The following PLEKHA5 variants were observed in gnomAD, a reference collection of about 807,000 sequenced individuals.
PLEKHA5 encodes the protein pleckstrin homology domain containing A5, also known as pleckstrin homology domain-containing family A member 5.
PLEKHA5 carries 55 observed loss-of-function variants against 181.9 expected under a neutral mutation model. That is an observed-to-expected ratio of 0.30 (90% CI 0.24 to 0.38). The LOEUF (loss-of-function observed/expected upper bound fraction) is 0.38, where lower values mean the gene tolerates loss of function less well. Among genes scored for constraint, PLEKHA5 ranks in the 10% least tolerant of loss-of-function variants. The pLI, the probability that PLEKHA5 is intolerant of heterozygous loss-of-function variation, is 1.00. For missense variants in PLEKHA5, 1,432 were observed against 1,549.5 expected, an observed-to-expected ratio of 0.92 and a Z score of 1.27; for synonymous variants, 535 against 529.4, an observed-to-expected ratio of 1.01 and a Z score of -0.15.
intron 15 of PLEKHA5, among the ~76,000 whole-genome samples, chr12:19,298,479 C>T (rs150057619): frequency 0.016 from 2,371 of 144,314 alleles, 34 homozygotes; most frequent in Non-Finnish European, 0.024. Flanking sequence ...CTTGGTGTCC[C>T]TGCCTCAGCC....
At chr12:19,317,565 T>A (rs1203776451) in intron 16 of PLEKHA5, among the ~76,000 whole-genome samples, 3 of 152,140 alleles carry the variant, frequency 2.0e-5, no homozygotes, top group Non-Finnish European at 4.4e-5. Flanking sequence ...TATCAAATTT[T>A]AAAATATTTC....
intron 3 of PLEKHA5, among the ~76,000 whole-genome samples, chr12:19,220,981 G>A (rs1300186303): frequency 6.6e-6 from 1 of 152,144 alleles, no homozygotes. Context: ...CCATTAAAAT[G>A]GCTAAAATTC....
intron 15 of PLEKHA5, among the ~76,000 whole-genome samples, chr12:19,303,153 C>T (rs1262765480): frequency 6.6e-6 from 1 of 151,910 alleles, no homozygotes; most frequent in African/African-American, 2.4e-5. Context: ...AACTCCTGAA[C>T]TCAGGTGATC....
chr12:19,192,469 G>A (rs748517572), intron 3 of PLEKHA5, among the ~76,000 whole-genome samples: 5 of 152,068 alleles, frequency 3.3e-5, no homozygotes, highest in Admixed American at 6.6e-5. Flanking sequence ...AGGCCGAGGC[G>A]GGCAGATCAC....
In PLEKHA5 at chr12:19,283,270, T is replaced by G. The variant is rs1409354215; in HGVS notation, c.1314-10T>G. The G allele has an allele frequency of 7.8e-6, 12 of 1,530,950 alleles. No individual in the cohort carries two copies. The highest frequency in any genetic ancestry group is 1.4e-5 in the African/African-American group (1 of 70,898). 94.8% of individuals were successfully genotyped at this position (1,530,950 alleles called of 1,614,324 possible). A position where few individuals can be genotyped will look rare whatever the true frequency, so the allele number is the denominator to read the frequency against. On this transcript the variant is annotated splice_polypyrimidine_tract_variant and intron_variant, in intron 11 of 31. Coordinates refer to ENST00000429027, the MANE Select transcript of PLEKHA5 (RefSeq NM_001256470.2). The stretch of plus-strand genomic sequence containing the variant: ...TTCATGTTTACATTTTAATTATTTT[T>G]TTATTTTAGAGTAATTTCTTACCAA...
At chr12:19,355,713 G>T (rs1211414983) in intron 26 of PLEKHA5, among the ~76,000 whole-genome samples, 1 of 151,956 alleles carries the variant, frequency 6.6e-6, no homozygotes, top group African/African-American at 2.4e-5. Context: ...ATGGAATAAA[G>T]ATAATATATC....
chr12:19,255,512 TAATAGTATATTATGTTTATTGTA>T (rs1464422016), intron 5 of PLEKHA5, among the ~76,000 whole-genome samples: 1 of 151,944 alleles, frequency 6.6e-6, no homozygotes, highest in African/African-American at 2.4e-5. Flanking sequence ...AAAACCATTG[TAATAGTATATTATGTTTATTGTA>T]AGGAAATAGA....
chr12:19,326,267 G>T (rs1271594628), intron 20 of PLEKHA5, among the ~76,000 whole-genome samples: 1 of 152,268 alleles, frequency 6.6e-6, no homozygotes, highest in East Asian at 1.9e-4. Context: ...GCTTAAGGCT[G>T]CAAATGTTAG....
chr12:19,226,117 A>G (rs12307420), intron 3 of PLEKHA5, among the ~76,000 whole-genome samples: 6,430 of 152,238 alleles, frequency 0.042, 275 homozygotes, highest in East Asian at 0.2. Context: ...ACCTCTATCC[A>G]GTTCCAAAGA....
At chr12:19,176,446 A>T (rs1260567964) in intron 3 of PLEKHA5, 1 of 151,954 alleles carries the variant, frequency 6.6e-6, no homozygotes, top group Non-Finnish European at 1.5e-5. Flanking sequence ...TCCCGCTCCC[A>T]GGAGTTCAGC....
At chr12:19,282,921 C>A (rs944248449) in intron 11 of PLEKHA5, among the ~76,000 whole-genome samples, 1 of 151,774 alleles carries the variant, frequency 6.6e-6, no homozygotes, top group Non-Finnish European at 1.5e-5. Flanking sequence ...CTAAGCTGGG[C>A]ACGGTGGCTC....
chr12:19,324,059 T>C (rs2091542616), intron 20 of PLEKHA5, among the ~76,000 whole-genome samples: 3 of 152,160 alleles, frequency 2.0e-5, no homozygotes. Context: ...ACTGCCATGT[T>C]ATATAAAACT....
At chr12:19,157,492 A>G (rs2042029118) in intron 3 of PLEKHA5, among the ~76,000 whole-genome samples, 1 of 151,952 alleles carries the variant, frequency 6.6e-6, no homozygotes, top group African/African-American at 2.4e-5. Context: ...TTTAGATTTT[A>G]AGAAAAGTTA....
intron 3 of PLEKHA5, among the ~76,000 whole-genome samples, chr12:19,158,021 T>C (rs1204523656): frequency 6.6e-6 from 1 of 152,054 alleles, no homozygotes; most frequent in Non-Finnish European, 1.5e-5. Context: ...TGCCATAAAC[T>C]TGGATCAAGT....
At position 19,273,581 on chromosome 12, in the gene PLEKHA5, C is replaced by T. The variant is rs2152730493; in HGVS notation, c.846-935C>T. ...GCCTCCTAGAGTGGCATGATCTTGG[C>T]AGTTTCGTGCAGGTTCACACACTCA... On this transcript the variant is annotated intron_variant, in intron 10 of 31. Coordinates refer to ENST00000429027, the MANE Select transcript of PLEKHA5 (RefSeq NM_001256470.2). Among the ~76,000 whole-genome samples the T allele has an allele frequency of 2.0e-5, 3 of 152,172 alleles. 1 individual carries two copies. The highest frequency in any genetic ancestry group is 2.0e-4 in the Admixed American group (3 of 15,280).
At chr12:19,313,485 G>A (rs1211212714) in intron 15 of PLEKHA5, among the ~76,000 whole-genome samples, 1 of 152,110 alleles carries the variant, frequency 6.6e-6, no homozygotes. Flanking sequence ...TAACATGAGG[G>A]AACTACCTGG....
intron 3 of PLEKHA5, among the ~76,000 whole-genome samples, chr12:19,159,164 G>T (rs1208410255): frequency 6.6e-6 from 1 of 152,170 alleles, no homozygotes; most frequent in Non-Finnish European, 1.5e-5. Flanking sequence ...TGGGAATGAA[G>T]TAGTTAGCCC....
chr12:19,159,046 A>T (rs903151823), intron 3 of PLEKHA5, among the ~76,000 whole-genome samples: 1 of 152,216 alleles, frequency 6.6e-6, no homozygotes, highest in African/African-American at 2.4e-5. Context: ...GACATTTCAA[A>T]TATTTCCTAA....
In PLEKHA5 at chr12:19,283,411, C is replaced by A; in HGVS notation, c.1445C>A (p.Thr482Asn). The change falls in exon 12 of 32, where the codon ACC (threonine) becomes AAC (asparagine). Residue 482 changes from threonine to asparagine, a missense_variant. By Grantham distance (65) the Thr-to-Asn change is moderately conservative. This residue lies in a region of PLEKHA5 where 1,143 missense variants were observed against 1,168.4 expected (regional missense o/e 0.98). Transcript: ENST00000429027. The part of the protein sequence containing the change: ...KTRPESICSV[T>N]PSTHDKTLGP... ...AGGCCTGAAAGTATCTGCAGTGTAA[C>A]CCCTTCCACTCATGACAAGACATTA... 6.2e-7 allele frequency: 1 copy of A among 1,613,970 alleles called. No individual in the cohort carries two copies. Among genetic ancestry groups the A allele is most frequent in the Non-Finnish European group, 8.5e-7 (1 of 1,179,918 alleles).
Sources: allele counts gnomAD v4.1 joint callset (sites outside exome capture counted in the v4.1 genomes callset), GRCh38; gene constraint gnomAD v4.1.1; regional missense constraint gnomAD v4.1.1; transcripts MANE v1.5; gene names NCBI Gene and HGNC (gene_info 2026-07-23, HGNC 2026-07-21).